TNFAIP8: variants seen among roughly 807,000 people sequenced by gnomAD.
TNFAIP8 encodes the protein TNF alpha induced protein 8, also known as tumor necrosis factor alpha-induced protein 8.
TNFAIP8 carries 7 observed loss-of-function variants against 13.3 expected under a neutral mutation model. The ratio of observed to expected loss-of-function variants is 0.52; its 90% CI spans 0.30 to 0.99. The LOEUF (loss-of-function observed/expected upper bound fraction) is 0.99. TNFAIP8 is among the 50% of genes least tolerant of loss of function. The pLI is 0.07. For missense variants in TNFAIP8, 258 were observed against 236.9 expected, an observed-to-expected ratio of 1.09 and a Z score of -0.58; for synonymous variants, 94 against 87.6, an observed-to-expected ratio of 1.07 and a Z score of -0.41.
intron 1 of TNFAIP8, among the ~76,000 whole-genome samples, chr5:119,275,500 C>T (rs1748413077): frequency 6.6e-6 from 1 of 152,138 alleles, no homozygotes; most frequent in Non-Finnish European, 1.5e-5. Context: ...CCAAGCGGAC[C>T]GTTTCCCCTA....
intron 1 of TNFAIP8, among the ~76,000 whole-genome samples, chr5:119,279,321 A>G (rs1561979969): frequency 1.3e-5 from 2 of 151,796 alleles, no homozygotes; most frequent in African/African-American, 2.4e-5. Context: ...TTTTCTGTGA[A>G]CTCTCAAAGG....
rs1397549019 is a variant in TNFAIP8, at chr5:119,394,062, A to G, written c.*681A>G. 1 of 152,242 alleles carries G rather than the reference A, an allele frequency of 6.6e-6. No homozygotes were observed. The highest frequency in any genetic ancestry group is 1.5e-5 in the Non-Finnish European group (1 of 68,036). The allele number at this position is 152,242 out of a possible 1,614,324, so 9.4% of individuals were successfully genotyped here. A position where few individuals can be genotyped will look rare whatever the true frequency, so the allele number is the denominator to read the frequency against. On this transcript the variant is annotated 3_prime_UTR_variant, in exon 2 of 2. Transcript: ENST00000504771. ...CCAATGATACTTAAATTTCTCAGAAATGTAATGGTGTGTCATTGCCTTGAA... is the reference window on the plus strand; with the variant it reads ...CCAATGATACTTAAATTTCTCAGAAGTGTAATGGTGTGTCATTGCCTTGAA...
chr5:119,321,150 G>A (rs920583005), intron 1 of TNFAIP8, among the ~76,000 whole-genome samples: 1 of 152,122 alleles, frequency 6.6e-6, no homozygotes, highest in Non-Finnish European at 1.5e-5. Flanking sequence ...CCGGGAGGCG[G>A]AGCTTGCAGT....
chr5:119,333,760 A>G (rs748042757), intron 1 of TNFAIP8: 19 of 789,110 alleles, frequency 2.4e-5, no homozygotes, highest in African/African-American at 5.1e-5. Context: ...CTTTAGAGCT[A>G]CTGTGTTCAA....
chr5:119,396,941 C>G lies in TNFAIP8; in HGVS notation c.*3560C>G, dbSNP rs1451650404. 4.4e-5 allele frequency: 6 copies of G among 136,536 alleles called. No homozygotes were observed. The highest frequency in any genetic ancestry group is 1.7e-4 in the African/African-American group (6 of 35,360). The allele number at this position is 136,536 out of a possible 1,614,324, so 8.5% of individuals were successfully genotyped here. ...CCTGGGAGGCAGAGGTTGCAGTGAG[C>G]TGAGATTGTACCACTGCACTGCAGC... On this transcript the variant is annotated 3_prime_UTR_variant, in exon 2 of 2. Transcript: ENST00000504771.
In TNFAIP8 at chr5:119,397,788, T is replaced by G. The variant is rs1184527215; in HGVS notation, c.*4407T>G. ...CACCACGAAGTATTGAAAATCTGTTTTCTCTTTTACTAAGTGTCTGCACGG... is the reference window on the plus strand; with the variant it reads ...CACCACGAAGTATTGAAAATCTGTTGTCTCTTTTACTAAGTGTCTGCACGG... On this transcript the variant is annotated 3_prime_UTR_variant, in exon 2 of 2. Coordinates refer to ENST00000504771, the MANE Select transcript of TNFAIP8 (RefSeq NM_014350.4). The G allele has an allele frequency of 6.6e-6, 1 of 152,258 alleles. No homozygotes were observed. Among genetic ancestry groups the G allele is most frequent in the Admixed American group, 6.5e-5 (1 of 15,290 alleles). The allele number at this position is 152,258 out of a possible 1,614,324, so 9.4% of individuals were successfully genotyped here.
intron 1 of TNFAIP8, among the ~76,000 whole-genome samples, chr5:119,329,730 G>A (rs1750318720): frequency 6.6e-6 from 1 of 151,938 alleles, no homozygotes; most frequent in African/African-American, 2.4e-5. Context: ...CGAGGAGTGA[G>A]TGGACCACAG....
chr5:119,274,796 T>A (rs1748389722), intron 1 of TNFAIP8, among the ~76,000 whole-genome samples: 1 of 152,172 alleles, frequency 6.6e-6, no homozygotes, highest in Non-Finnish European at 1.5e-5. Context: ...GCTACAAAAG[T>A]GATACACCAA....
chr5:119,363,570 G>A (rs1580423409), intron 1 of TNFAIP8, among the ~76,000 whole-genome samples: 1 of 152,184 alleles, frequency 6.6e-6, no homozygotes. Flanking sequence ...TGGTACATGA[G>A]GGTAACAAGT....
intron 1 of TNFAIP8, among the ~76,000 whole-genome samples, chr5:119,269,165 G>A (rs1748185875): frequency 1.3e-5 from 2 of 152,210 alleles, no homozygotes; most frequent in African/African-American, 4.8e-5. Context: ...ACCCCTTTTA[G>A]GAACCCTTAC....
chr5:119,285,167 C>T (rs1397959753), intron 1 of TNFAIP8, among the ~76,000 whole-genome samples: 2 of 152,184 alleles, frequency 1.3e-5, no homozygotes, highest in South Asian at 4.2e-4. Flanking sequence ...CAGGAGGAGG[C>T]GAGCAGGCGA....
intron 1 of TNFAIP8, among the ~76,000 whole-genome samples, chr5:119,377,806 C>T (rs546612187): frequency 2.0e-5 from 3 of 152,282 alleles, no homozygotes; most frequent in South Asian, 2.1e-4. Flanking sequence ...GGGTACACTG[C>T]TGGGCCAGAT....
chr5:119,269,020 AGT>A, intron 1 of TNFAIP8: 1 of 597,796 alleles, frequency 1.7e-6, no homozygotes, highest in Admixed American at 2.9e-5. Flanking sequence ...TTCTGAAGCG[AGT>A]GTGAGTGAGT....
chr5:119,293,922 C>G (rs1429892773), intron 1 of TNFAIP8, among the ~76,000 whole-genome samples: 1 of 152,148 alleles, frequency 6.6e-6, no homozygotes, highest in East Asian at 1.9e-4. Context: ...ACTTGCAGCG[C>G]TTTACAGTGG....
chr5:119,278,376 AGTGTGTGT>A (rs71591297), intron 1 of TNFAIP8, among the ~76,000 whole-genome samples: 2,329 of 108,114 alleles, frequency 0.022, 46 homozygotes, highest in African/African-American at 0.04. Context: ...AGAGAGAGAG[AGTGTGTGT>A]GTGTGTGTGT....
intron 1 of TNFAIP8, among the ~76,000 whole-genome samples, chr5:119,280,446 A>G (rs541561617): frequency 1.3e-5 from 2 of 151,950 alleles, no homozygotes; most frequent in Admixed American, 6.6e-5. Context: ...TTTAATTTGT[A>G]GAGTTTCCCA....
intron 1 of TNFAIP8, among the ~76,000 whole-genome samples, chr5:119,381,538 C>G (rs1464306831): frequency 6.6e-6 from 1 of 151,612 alleles, no homozygotes; most frequent in Non-Finnish European, 1.5e-5. Context: ...GACCCTGTCT[C>G]AAAAAATAAA....
At chr5:119,368,375 T>TAA (rs765256111) in intron 1 of TNFAIP8, among the ~76,000 whole-genome samples, 13 of 143,860 alleles carry the variant, frequency 9.0e-5, no homozygotes, top group African/African-American at 3.1e-4. Flanking sequence ...TCCTGTCTGT[T>TAA]AAAAAAAAAA....
At chr5:119,321,052 T>G (rs899564691) in intron 1 of TNFAIP8, among the ~76,000 whole-genome samples, 7 of 152,130 alleles carry the variant, frequency 4.6e-5, no homozygotes, top group African/African-American at 1.7e-4. Flanking sequence ...CCGTCTCTAC[T>G]AAAAACACAA....
Sources: allele counts gnomAD v4.1 joint callset (sites outside exome capture counted in the v4.1 genomes callset), GRCh38; gene constraint gnomAD v4.1.1; transcripts MANE v1.5; gene names NCBI Gene and HGNC (gene_info 2026-07-23, HGNC 2026-07-21).